The following PDE2A variants were observed in gnomAD, a reference collection of about 807,000 sequenced individuals.
PDE2A encodes cGMP-dependent 3',5'-cyclic phosphodiesterase.
A neutral mutation model predicts 133.6 loss-of-function variants in PDE2A; 53 were observed. The observed-to-expected ratio is 0.40, with a 90% CI of 0.32 to 0.50. The LOEUF is 0.50. PDE2A is among the 20% of genes least tolerant of loss of function. The pLI is 0.73. For missense variants in PDE2A, 796 were observed against 1,232.4 expected (o/e 0.65, Z 5.30); for synonymous variants, 491 against 490.2 (o/e 1.00, Z -0.02).
Position 72,673,449 on chromosome 11 carries a change from G to C in PDE2A, c.71+688C>G, listed in dbSNP as rs373248064. The stretch of plus-strand genomic sequence containing the variant: ...CTGCCTACCACCTCGGCAGCCCTTA[G>C]TAGAGGGGTGTCGCCACGGCGCCCC... On this transcript the variant is annotated intron_variant, in intron 1 of 30. Coordinates refer to ENST00000334456, the MANE Select transcript of PDE2A (RefSeq NM_002599.5). 2.6e-5 allele frequency among the ~76,000 whole-genome samples: 4 copies of C among 151,286 alleles called. No individual in the cohort carries two copies. In the East Asian group the frequency reaches 5.8e-4, roughly 22 times the overall value.
chr11:72,591,011 A>G, intron 7 of PDE2A: 1 of 442,152 alleles, frequency 2.3e-6, no homozygotes, highest in South Asian at 3.6e-5. Flanking sequence ...CCATAAATCC[A>G]TCAAAAAGTC....
intron 24 of PDE2A, 39 bp downstream of exon 24, chr11:72,580,847 C>T (rs1284309577): frequency 7.8e-7 from 1 of 1,276,058 alleles, no homozygotes; most frequent in Non-Finnish European, 1.1e-6. Flanking sequence ...CCCAGACACC[C>T]CATGGAGGGT....
intron 25 of PDE2A, 116 bp from the exon 26 acceptor site, chr11:72,579,724 T>A: frequency 1.4e-6 from 1 of 704,752 alleles, no homozygotes. Context: ...AGCAGAGCAG[T>A]CAGAAAGGGG....
chr11:72,632,774 C>T (rs1042718036), intron 2 of PDE2A, among the ~76,000 whole-genome samples: 1 of 152,096 alleles, frequency 6.6e-6, no homozygotes, highest in African/African-American at 2.4e-5. Flanking sequence ...TCCAGCTCCC[C>T]CCTCACACCT....
intron 1 of PDE2A, 134 bp downstream of exon 1, chr11:72,674,003 G>A (rs527669598): frequency 4.7e-6 from 4 of 842,288 alleles, no homozygotes; most frequent in East Asian, 5.9e-5. Context: ...GGGAGGAGGG[G>A]TGCCCAGGAA....
At chr11:72,620,540 C>T (rs1008354508) in intron 2 of PDE2A, among the ~76,000 whole-genome samples, 2 of 152,110 alleles carry the variant, frequency 1.3e-5, no homozygotes, top group African/African-American at 4.8e-5. Flanking sequence ...TGAGAAGACC[C>T]AAGCTTTGGA....
intron 2 of PDE2A, among the ~76,000 whole-genome samples, chr11:72,626,920 T>C (rs1269689858): frequency 6.6e-6 from 1 of 152,172 alleles, no homozygotes; most frequent in East Asian, 1.9e-4. Context: ...GCCTCCTCTA[T>C]CTGCTTTTTC....
intron 2 of PDE2A, among the ~76,000 whole-genome samples, chr11:72,640,240 A>G (rs1010998005): frequency 2.0e-5 from 3 of 151,872 alleles, no homozygotes; most frequent in Non-Finnish European, 4.4e-5. Flanking sequence ...ATTAAATTCA[A>G]TACGCACGCC....
At chr11:72,601,874 G>A (rs777930329) in intron 4 of PDE2A, among the ~76,000 whole-genome samples, 7 of 152,108 alleles carry the variant, frequency 4.6e-5, no homozygotes, top group South Asian at 2.1e-4. Context: ...AATGTTCAGC[G>A]TATCATTTTA....
intron 1 of PDE2A, chr11:72,652,737 A>G (rs778438945): frequency 1.5e-5 from 7 of 456,268 alleles, no homozygotes; most frequent in South Asian, 1.1e-4. Flanking sequence ...GCAGCTAGAA[A>G]TGATGGAACA....
At chr11:72,598,875 C>T (rs1856605990) in intron 4 of PDE2A, 5 of 985,454 alleles carry the variant, frequency 5.1e-6, no homozygotes, top group Non-Finnish European at 6.0e-6. Context: ...AGCCCCTACA[C>T]CCAGGACCTT....
intron 1 of PDE2A, among the ~76,000 whole-genome samples, chr11:72,653,510 G>A (rs1422896248): frequency 3.3e-5 from 5 of 152,192 alleles, no homozygotes; most frequent in Admixed American, 2.6e-4. Flanking sequence ...GCCAGGGAGT[G>A]AGGCAGAGTC....
At chr11:72,663,726 CAAA>C (rs35814877) in intron 1 of PDE2A, among the ~76,000 whole-genome samples, 9 of 111,802 alleles carry the variant, frequency 8.0e-5, no homozygotes, top group Non-Finnish European at 1.3e-4. Flanking sequence ...AAGACTGTCT[CAAA>C]AAAAAAAAAA....
intron 4 of PDE2A, among the ~76,000 whole-genome samples, chr11:72,601,139 A>C (rs1033937913): frequency 1.1e-4 from 6 of 53,902 alleles, no homozygotes; most frequent in East Asian, 6.7e-4. Context: ...GGGAACCCCC[A>C]CCCTCACTGA....
intron 23 of PDE2A, 75 bp from the exon 24 acceptor site, chr11:72,581,048 C>T (rs1591012355): frequency 1.9e-6 from 2 of 1,038,952 alleles, no homozygotes; most frequent in East Asian, 2.4e-5. Flanking sequence ...AGAGGACAGA[C>T]AGGAGATGAC....
At chr11:72,598,641 C>T (rs372695086) in intron 4 of PDE2A, 1 of 1,289,046 alleles carries the variant, frequency 7.8e-7, no homozygotes. Context: ...GAACTGTGTG[C>T]ATACAGGGTC....
At chr11:72,601,917 A>G (rs1204787813) in intron 4 of PDE2A, among the ~76,000 whole-genome samples, 1 of 152,150 alleles carries the variant, frequency 6.6e-6, no homozygotes, top group Non-Finnish European at 1.5e-5. Context: ...GGAAGAGGGC[A>G]TCGGATTGTG....
rs1488814597 is a variant in PDE2A at position 72,597,288 on chromosome 11, A to C, written c.433+222T>G. 6.6e-6 allele frequency among the ~76,000 whole-genome samples: 1 copy of C among 152,188 alleles called. No individual in the cohort carries two copies. The highest frequency in any genetic ancestry group is 2.4e-5 in the African/African-American group (1 of 41,440). ...TGCACCTCCTTGAAACACCCCCTCA[A>C]GGTAAATACTATTGTCCCATTTTAT... On this transcript the variant is annotated intron_variant, in intron 5 of 30. Transcript: ENST00000334456. The surrounding 1 kb of genome is among the most constrained non-coding windows in gnomAD (Gnocchi z 4.6).
chr11:72,656,682 C>T (rs892801048), intron 1 of PDE2A, among the ~76,000 whole-genome samples: 5 of 151,964 alleles, frequency 3.3e-5, no homozygotes, highest in African/African-American at 4.8e-5. Context: ...GCTCTCCTCG[C>T]CTTTCTCGGA....
Sources: allele counts gnomAD v4.1 joint callset (sites outside exome capture counted in the v4.1 genomes callset), GRCh38; gene constraint gnomAD v4.1.1; non-coding constraint Gnocchi (gnomAD v3.1); transcripts MANE v1.5; gene names NCBI Gene and HGNC (gene_info 2026-07-23, HGNC 2026-07-21).